The following AFF3 variants were observed in gnomAD, a reference collection of about 807,000 sequenced individuals.
AFF3 encodes the protein AF4/FMR2 family member 3.
Under a neutral mutation model 129.7 loss-of-function variants are expected in AFF3, and 32 were observed. The ratio of observed to expected loss-of-function variants is 0.25; its 90% CI spans 0.19 to 0.33. The LOEUF (loss-of-function observed/expected upper bound fraction) is 0.33, where lower values mean the gene tolerates loss of function less well. AFF3 is among the 10% of genes least tolerant of loss of function. The pLI, the probability that AFF3 is intolerant of heterozygous loss-of-function variation, is 1.00. For missense variants in AFF3, 1,373 were observed against 1,592.0 expected, an observed-to-expected ratio of 0.86 and a Z score of 2.34; for synonymous variants, 644 against 635.4, an observed-to-expected ratio of 1.01 and a Z score of -0.20.
intron 7 of AFF3, among the ~76,000 whole-genome samples, chr2:99,855,835 G>C (rs574866400): frequency 2.5e-4 from 38 of 152,264 alleles, no homozygotes; most frequent in Non-Finnish European, 2.1e-4. Flanking sequence ...GTCAAACACT[G>C]TCTCTGCCAA....
At chr2:100,038,667 A>C (rs1296275363) in intron 4 of AFF3, among the ~76,000 whole-genome samples, 10 of 152,028 alleles carry the variant, frequency 6.6e-5, no homozygotes. Flanking sequence ...CATTTAAATA[A>C]TTTAATTTGT....
chr2:99,790,857 C>T (rs773020608), intron 8 of AFF3, among the ~76,000 whole-genome samples: 3 of 152,160 alleles, frequency 2.0e-5, no homozygotes, highest in East Asian at 1.9e-4. Context: ...AACTTGCACA[C>T]GGCATAGCTT....
At chr2:100,141,466 C>T (rs1692869618) in intron 1 of AFF3, among the ~76,000 whole-genome samples, 1 of 152,206 alleles carries the variant, frequency 6.6e-6, no homozygotes, top group Non-Finnish European at 1.5e-5. Flanking sequence ...TTAAATTTTG[C>T]ACCAAGGAAC....
At chr2:99,977,039 T>G (rs571013395) in intron 7 of AFF3, among the ~76,000 whole-genome samples, 124 of 152,296 alleles carry the variant, frequency 8.1e-4, no homozygotes, top group African/African-American at 2.9e-3. Context: ...AAAGTTAAAT[T>G]TCCTGACTTA....
rs562037256 is a variant in AFF3, at chr2:99,948,896, A to G, written c.873+57736T>C. Among the ~76,000 whole-genome samples, 3 of 152,350 alleles carry G rather than the reference A, an allele frequency of 2.0e-5. No homozygotes were observed. The South Asian group carries it at 6.2e-4, about 32-fold the overall frequency. Reference sequence around the variant, plus strand: ...GGGAAAGAAATGCGTGAAAACCTCCAAAGTATCCTCAATTTACCTCCTCCA... The same window carrying G: ...GGGAAAGAAATGCGTGAAAACCTCCGAAGTATCCTCAATTTACCTCCTCCA... On this transcript the variant is annotated intron_variant, in intron 7 of 24. Transcript: ENST00000672756.
chr2:99,996,566 G>A (rs1263976214), intron 7 of AFF3, among the ~76,000 whole-genome samples: 21 of 124,494 alleles, frequency 1.7e-4, no homozygotes, highest in African/African-American at 6.6e-4. Flanking sequence ...ATTTTTAGTA[G>A]AGACGGGGTT....
At chr2:99,711,704 T>C (rs1677909680) in intron 11 of AFF3, among the ~76,000 whole-genome samples, 2 of 152,232 alleles carry the variant, frequency 1.3e-5, no homozygotes, top group African/African-American at 2.4e-5. Context: ...GTATCCTGCA[T>C]TCCTTCATTT....
Position 99,593,206 on chromosome 2 carries a change from T to C in AFF3, c.2455A>G (p.Arg819Gly). ...PAEKALPKSK[R>G]KRKCDNEDDY... ...AGCCCCAGGCCTACCTTGCGTTTCC[T>C]CTTGGATTTTGGCAAAGCCTTTTCT... Residue 819 changes from arginine to glycine, a missense_variant, in exon 15 of 25, where the codon AGG becomes GGG. Coordinates refer to ENST00000672756, the MANE Select transcript of AFF3 (RefSeq NM_001386135.1). The C allele has an allele frequency of 6.3e-7, 1 of 1,583,486 alleles. No individual in the cohort carries two copies. Among genetic ancestry groups the C allele is most frequent in the Non-Finnish European group, 8.6e-7 (1 of 1,162,410 alleles).
chr2:99,763,128 C>A (rs903814227), intron 8 of AFF3, among the ~76,000 whole-genome samples: 53 of 152,358 alleles, frequency 3.5e-4, no homozygotes, highest in African/African-American at 1.3e-3. Flanking sequence ...GACACATATT[C>A]CTCCCCTAAT....
intron 10 of AFF3, among the ~76,000 whole-genome samples, chr2:99,736,608 AT>A (rs11399049): frequency 0.082 from 10,308 of 125,404 alleles, 429 homozygotes; most frequent in African/African-American, 0.23. Flanking sequence ...TAAATTACTG[AT>A]TTTTTTTTTT....
intron 7 of AFF3, among the ~76,000 whole-genome samples, chr2:99,946,450 G>A (rs1675571587): frequency 7.9e-6 from 1 of 126,958 alleles, no homozygotes; most frequent in Admixed American, 9.7e-5. Flanking sequence ...CTCCAGCCTG[G>A]TTGACAGAGT....
intron 8 of AFF3, among the ~76,000 whole-genome samples, chr2:99,753,829 C>T (rs967189895): frequency 2.0e-5 from 3 of 152,196 alleles, no homozygotes; most frequent in African/African-American, 4.8e-5. Context: ...CAATTTTATA[C>T]ATCACAAAGC....
At chr2:99,751,385 G>T (rs1681643395) in intron 9 of AFF3, among the ~76,000 whole-genome samples, 1 of 152,174 alleles carries the variant, frequency 6.6e-6, no homozygotes, top group Non-Finnish European at 1.5e-5. Flanking sequence ...GAGTCATCAT[G>T]CCTGACCAGA....
chr2:99,643,709 C>T lies in AFF3; in HGVS notation c.1184+5917G>A, dbSNP rs570237016. Among the ~76,000 whole-genome samples, 3 of 152,186 alleles carry T rather than the reference C, an allele frequency of 2.0e-5. 1 individual carries two copies. In the East Asian group the frequency reaches 5.8e-4, roughly 29 times the overall value. ...AGGAAGATGAAGCTGAATCCAACCC[C>T]CTACACTGCCAGGTGGGTACCCGCT... On this transcript the variant is annotated intron_variant, in intron 13 of 24. Transcript: ENST00000672756.
chr2:99,555,941 C>A (rs1199182070), intron 22 of AFF3, among the ~76,000 whole-genome samples: 2 of 152,192 alleles, frequency 1.3e-5, no homozygotes, highest in Non-Finnish European at 2.9e-5. Context: ...AATTAGGAAA[C>A]CTTCCTGAAC....
At chr2:99,915,128 C>T (rs1249482148) in intron 7 of AFF3, among the ~76,000 whole-genome samples, 1 of 151,874 alleles carries the variant, frequency 6.6e-6, no homozygotes, top group Non-Finnish European at 1.5e-5. Context: ...CTTATTATAG[C>T]TTTTAAGTAT....
intron 4 of AFF3, among the ~76,000 whole-genome samples, chr2:100,012,682 G>C (rs1035598245): frequency 6.6e-6 from 1 of 152,134 alleles, no homozygotes; most frequent in Non-Finnish European, 1.5e-5. Flanking sequence ...CCTGCCATTT[G>C]AGCAATGTGA....
chr2:99,642,657 A>T (rs539754514), intron 13 of AFF3, among the ~76,000 whole-genome samples: 1 of 152,348 alleles, frequency 6.6e-6, no homozygotes, highest in East Asian at 1.9e-4. Flanking sequence ...AAATATTGTT[A>T]CGATGCAAAA....
chr2:99,669,983 C>T (rs757548363), intron 12 of AFF3, among the ~76,000 whole-genome samples: 5 of 152,124 alleles, frequency 3.3e-5, no homozygotes, highest in Non-Finnish European at 5.9e-5. Context: ...TCTGGTGACA[C>T]GAAGATGATG....
Sources: gnomAD v4.1 joint callset for allele counts (sites outside exome capture counted in the v4.1 genomes callset) on GRCh38, gnomAD v4.1.1 for gene constraint, MANE v1.5 for transcripts, NCBI Gene and HGNC (gene_info 2026-07-23, HGNC 2026-07-21) for gene names.